The following OGG1 variants were observed in gnomAD, a reference collection of about 807,000 sequenced individuals.
The protein encoded by OGG1 is 8-oxoguanine DNA glycosylase, also known as N-glycosylase/DNA lyase.
A neutral mutation model predicts 42.3 loss-of-function variants in OGG1; 35 were observed. The observed-to-expected ratio is 0.83, with a 90% CI of 0.63 to 1.10. The LOEUF is 1.10. Among genes scored for constraint, OGG1 ranks in the 50% least tolerant of loss-of-function variants. The pLI, the probability that OGG1 is intolerant of heterozygous loss-of-function variation, is 0.00. For missense variants in OGG1, 484 were observed against 446.7 expected (o/e 1.08, Z -0.75); for synonymous variants, 189 against 179.0 (o/e 1.06, Z -0.44).
chr3:9,772,887 AT>A (rs1187775786), intron 2 of OGG1, among the ~76,000 whole-genome samples: 1 of 152,124 alleles, frequency 6.6e-6, no homozygotes, highest in African/African-American at 2.4e-5. Context: ...ATTCTTCCAG[AT>A]TTTTTGGATG....
At position 9,751,917 on chromosome 3, in the gene OGG1, A is replaced by G. The variant is rs570953488; in HGVS notation, c.533A>G (p.Tyr178Cys). Residue 178 changes from tyrosine (Y) to cysteine (C), a missense_variant, in exon 3 of 7, where the codon TAC (tyrosine) becomes TGC (cysteine). Transcript: ENST00000344629. ...CTCATCCAGCTTGATGATGTCACCT[A>G]CCATGGCTTCCCCAGCCTGCAGGCC... is the stretch of plus-strand genomic sequence containing the variant. Reference protein sequence around the residue: ...PRLIQLDDVTYHGFPSLQALA... With the variant: ...PRLIQLDDVTCHGFPSLQALA... 1.2e-6 allele frequency: 2 copies of G among 1,614,056 alleles called. No homozygotes were observed. Among genetic ancestry groups the G allele is most frequent in the South Asian group, 1.1e-5 (1 of 91,076 alleles).
At chr3:9,772,573 C>A (rs2125605717) in intron 2 of OGG1, among the ~76,000 whole-genome samples, 1 of 152,306 alleles carries the variant, frequency 6.6e-6, no homozygotes, top group Non-Finnish European at 1.5e-5. Context: ...AGTGAGGCAG[C>A]CCCAGCTTTC....
At chr3:9,769,559 A>G (rs2078251857), downstream of OGG1, among the ~76,000 whole-genome samples, 1 of 151,866 alleles carries the variant, frequency 6.6e-6, no homozygotes. Context: ...CCCCATGGAT[A>G]CCTCCAAATG....
At chr3:9,789,112 A>C (rs1218216951), downstream of OGG1, among the ~76,000 whole-genome samples, 1 of 152,220 alleles carries the variant, frequency 6.6e-6, no homozygotes, top group Non-Finnish European at 1.5e-5. Flanking sequence ...CTAGGATTGC[A>C]GGCATAAGCC....
At position 9,773,891 on chromosome 3, in the gene OGG1, C is replaced by T. The variant is rs899698193; in HGVS notation, c.295-7622C>T. Among the ~76,000 whole-genome samples the T allele has an allele frequency of 2.6e-5, 4 of 151,752 alleles. No individual in the cohort carries two copies. The East Asian group carries it at 5.9e-4, about 22-fold the overall frequency. ...TTAGTTTTTTATTTTTTGTAGATAT[C>T]GGGTCTCTACTCCCTCTGTTGCCCA... On this transcript the variant is annotated intron_variant, in intron 2 of 3. Transcript: ENST00000426518.
At chr3:9,759,894 G>A, downstream of OGG1, 3 of 1,395,736 alleles carry the variant, frequency 2.1e-6, no homozygotes, top group Non-Finnish European at 2.9e-6. Flanking sequence ...CCCAACCTAT[G>A]CTCTTCTTCA....
chr3:9,768,848 C>G (rs1264278210), downstream of OGG1, among the ~76,000 whole-genome samples: 2 of 152,110 alleles, frequency 1.3e-5, no homozygotes, highest in Non-Finnish European at 2.9e-5. Flanking sequence ...GACCTTTTTC[C>G]CAGGGGACCC....
Position 9,750,845 on chromosome 3 carries a change from G to C in OGG1, c.138-100G>C, listed in dbSNP as rs796950313. 39 of 1,371,754 alleles carry C rather than the reference G, an allele frequency of 2.8e-5. No homozygotes were observed. The African/African-American group carries it at 5.0e-4, about 18-fold the overall frequency. 85.0% of individuals were successfully genotyped at this position (1,371,754 alleles called of 1,614,324 possible). On this transcript the variant is annotated intron_variant, in intron 1 of 6. Coordinates refer to ENST00000344629, the MANE Select transcript of OGG1 (RefSeq NM_002542.6). ...AGACTGGAAGATAGCACTGTTACTT[G>C]TATTAGTTTCGTACATGGAGCTATT...
At chr3:9,762,595 C>T (rs1315533905) in intron 7 of OGG1, among the ~76,000 whole-genome samples, 1 of 151,902 alleles carries the variant, frequency 6.6e-6, no homozygotes, top group Non-Finnish European at 1.5e-5. Flanking sequence ...CTCGAACTGA[C>T]CTCAGGTGAT....
chr3:9,789,503 T>G, downstream of OGG1: 1 of 1,613,076 alleles, frequency 6.2e-7, no homozygotes, highest in Non-Finnish European at 8.5e-7. Context: ...GGCCCAGAGT[T>G]TCTACCTTGT....
chr3:9,756,897 G>A (rs2077594787), intron 6 of OGG1, 81 bp downstream of exon 6: 3 of 1,612,164 alleles, frequency 1.9e-6, no homozygotes, highest in Non-Finnish European at 2.5e-6. Flanking sequence ...CGCCCCAGGT[G>A]GCCCTAAAGG....
chr3:9,783,883 C>G, intron 3 of OGG1: 1 of 1,377,970 alleles, frequency 7.3e-7, no homozygotes, highest in Non-Finnish European at 9.5e-7. Context: ...GGTGGACTGG[C>G]CACTGCTGTT....
At chr3:9,761,000 C>G, downstream of OGG1, 1 of 522,474 alleles carries the variant, frequency 1.9e-6, no homozygotes, top group Non-Finnish European at 3.4e-6. Context: ...TTGCTTCTGC[C>G]TATGCCACTC....
chr3:9,756,760 G>T lies in OGG1; in HGVS notation c.899-7G>T. 6.2e-7 allele frequency: 1 copy of T among 1,614,154 alleles called. No individual in the cohort carries two copies. The highest frequency in any genetic ancestry group is 1.1e-5 in the South Asian group (1 of 91,072). ...CAGATAACTTAGTCTCATCACTTCT[G>T]ATTTAGGAAACTTTTTCCGGAGCCT... On this transcript the variant is annotated splice_region_variant and splice_polypyrimidine_tract_variant and intron_variant, in intron 5 of 6. Coordinates refer to ENST00000344629, the MANE Select transcript of OGG1 (RefSeq NM_002542.6).
chr3:9,759,903 C>G (rs2077767295), downstream of OGG1: 1 of 1,251,208 alleles, frequency 8.0e-7, no homozygotes, highest in Non-Finnish European at 1.1e-6. Flanking sequence ...TGCTCTTCTT[C>G]AGGCCCTCCC....
At chr3:9,753,364 A>AG (rs2077393467) in intron 3 of OGG1, among the ~76,000 whole-genome samples, 1 of 148,572 alleles carries the variant, frequency 6.7e-6, no homozygotes, top group Middle Eastern at 3.6e-3. Context: ...AAAAAAAAAA[A>AG]AAACCTGGCC....
chr3:9,788,169 T>A (rs531355483), exon 4 of OGG1: 1 of 155,184 alleles, frequency 6.4e-6, no homozygotes, highest in African/African-American at 2.4e-5. Context: ...GGATTCTCCC[T>A]CAACATTTTT....
downstream of OGG1, chr3:9,757,877 A>T: frequency 1.3e-6 from 2 of 1,579,298 alleles, no homozygotes; most frequent in Non-Finnish European, 1.7e-6. This position sits in a 1 kb window ranked among gnomAD's most constrained non-coding sequence, Gnocchi z 4.5. Context: ...GGGAGAGGGG[A>T]GAAAGGACTT....
At chr3:9,762,858 T>A (rs567036566) in intron 7 of OGG1, 15 of 1,579,460 alleles carry the variant, frequency 9.5e-6, no homozygotes, top group Admixed American at 8.5e-5. Context: ...CAGTTTGGGG[T>A]TTGCAAAGGC....
Sources: allele counts gnomAD v4.1 joint callset (sites outside exome capture counted in the v4.1 genomes callset), GRCh38; gene constraint gnomAD v4.1.1; non-coding constraint Gnocchi (gnomAD v3.1); transcripts MANE v1.5; gene names NCBI Gene and HGNC (gene_info 2026-07-23, HGNC 2026-07-21).